TRAK1: variants seen among roughly 807,000 people sequenced by gnomAD.
The protein encoded by TRAK1 is trafficking kinesin-binding protein 1.
TRAK1 carries 33 observed loss-of-function variants against 92.1 expected under a neutral mutation model. The ratio of observed to expected loss-of-function variants is 0.36; its 90% CI spans 0.27 to 0.48. The LOEUF (loss-of-function observed/expected upper bound fraction) is 0.48. TRAK1 is among the 20% of genes least tolerant of loss of function. The pLI, the probability that TRAK1 is intolerant of heterozygous loss-of-function variation, is 0.99. For missense variants in TRAK1, 1,123 were observed against 1,257.9 expected (o/e 0.89, Z 1.62); for synonymous variants, 521 against 517.3 (o/e 1.01, Z -0.10).
At chr3:42,188,494 G>A (rs1223345842) in intron 5 of TRAK1, among the ~76,000 whole-genome samples, 2 of 152,354 alleles carry the variant, frequency 1.3e-5, no homozygotes, top group South Asian at 2.1e-4. Flanking sequence ...GGGACAGAAG[G>A]CGTGGTGTCT....
intron 1 of TRAK1, among the ~76,000 whole-genome samples, chr3:42,034,103 T>A (rs972705580): frequency 6.6e-6 from 1 of 152,150 alleles, no homozygotes; most frequent in African/African-American, 2.4e-5. Flanking sequence ...CTGCAGACAT[T>A]CCTTGCCCCA....
In TRAK1 at chr3:42,199,179, T is replaced by C. The variant is rs774473419; in HGVS notation, c.1116T>C (p.Asp372=). ...RYHSLGLFPM[D]SLAAEIEGTM... is the part of the protein sequence containing the mutation. ...TTTGTCTTTCTGGCTTTTCCCAGGA[T>C]TCCTTGGCAGCAGAGATTGAGGGAA... Residue 372 remains aspartate (D), a splice_region_variant and synonymous_variant, in exon 11 of 16, where the codon GAT becomes GAC. Coordinates refer to ENST00000327628, the MANE Select transcript of TRAK1 (RefSeq NM_001042646.3). 1.2e-6 allele frequency: 2 copies of C among 1,613,484 alleles called. No individual in the cohort carries two copies. Among genetic ancestry groups the C allele is most frequent in the South Asian group, 1.1e-5 (1 of 91,032 alleles).
intron 2 of TRAK1, among the ~76,000 whole-genome samples, chr3:42,135,653 G>A (rs1401430970): frequency 6.6e-6 from 1 of 152,218 alleles, no homozygotes; most frequent in African/African-American, 2.4e-5. Context: ...GTGTTTGTGT[G>A]GAATTGGACT....
Position 42,202,456 on chromosome 3 carries a change from A to AGCCGGGGAC in TRAK1, c.1455_1463dup (p.Thr489_Gly491dup). ...TCCAGAAACGATGAGCGGAGTAAGAAGCCGGGGACGCCGGGCACCCCAGGC... is the reference window on the plus strand; with the variant it reads ...TCCAGAAACGATGAGCGGAGTAAGAAGCCGGGGACGCCGGGGACGCCGGGCACCCCAGGC... On this transcript the variant is annotated inframe_insertion, in exon 13 of 16. Coordinates refer to ENST00000327628, the MANE Select transcript of TRAK1 (RefSeq NM_001042646.3). The surrounding 1 kb of genome is among the most constrained non-coding windows in gnomAD (Gnocchi z 6.1). The AGCCGGGGAC allele has an allele frequency of 6.7e-7, 1 of 1,485,364 alleles. No homozygotes were observed. Among genetic ancestry groups the AGCCGGGGAC allele is most frequent in the Non-Finnish European group, 9.0e-7 (1 of 1,114,498 alleles). 92.0% of individuals were successfully genotyped at this position (1,485,364 alleles called of 1,614,324 possible). A position where few individuals can be genotyped will look rare whatever the true frequency, so the allele number is the denominator to read the frequency against.
rs374632575 is a variant in TRAK1, at chr3:42,223,444, A to G, written c.2569A>G (p.Asn857Asp). 1.9e-6 allele frequency: 3 copies of G among 1,614,028 alleles called. No individual in the cohort carries two copies. The change falls in exon 16 of 16, where the codon AAC becomes GAC. Residue 857 changes from asparagine (N) to aspartate (D), a missense_variant. Around this residue, in one of 3 missense-constraint regions of TRAK1, gnomAD observed 401 missense variants for 438.9 expected, o/e 0.91. Transcript: ENST00000327628. The surrounding 1 kb of genome is among the most constrained non-coding windows in gnomAD (Gnocchi z 6.1). ...GAGGTTTGGGGTGGCCAAAGTGGTG[A>G]ACTCAGGGCGAGCCCATGTCCCCAC... ...VRRFGVAKVV[N>D]SGRAHVPTLT...
chr3:42,165,299 G>A (rs1429786772), intron 2 of TRAK1, among the ~76,000 whole-genome samples: 3 of 152,156 alleles, frequency 2.0e-5, no homozygotes, highest in Non-Finnish European at 4.4e-5. Flanking sequence ...CAGTTTTGAG[G>A]TGTTGAACAC....
intron 1 of TRAK1, among the ~76,000 whole-genome samples, chr3:42,102,174 C>G (rs537194524): frequency 7.2e-5 from 11 of 152,162 alleles, no homozygotes; most frequent in African/African-American, 2.6e-4. Context: ...TTAGTAGAGA[C>G]GGGGTTTTGC....
chr3:42,150,152 A>G (rs1699799908), intron 2 of TRAK1, among the ~76,000 whole-genome samples: 1 of 151,418 alleles, frequency 6.6e-6, no homozygotes, highest in South Asian at 2.1e-4. Flanking sequence ...TGCTTGTTGG[A>G]TCCAACAGAG....
At chr3:42,205,690 C>T (rs1708250356) in intron 13 of TRAK1, among the ~76,000 whole-genome samples, 1 of 152,194 alleles carries the variant, frequency 6.6e-6, no homozygotes, top group South Asian at 2.1e-4. Flanking sequence ...CACTTCAAAG[C>T]TGTACATTAT....
intron 2 of TRAK1, among the ~76,000 whole-genome samples, chr3:42,148,322 A>G (rs1699571723): frequency 6.6e-6 from 1 of 152,212 alleles, no homozygotes; most frequent in East Asian, 1.9e-4. Context: ...GAATTACCTA[A>G]CCTCAAATGT....
At chr3:42,128,563 A>AG (rs139582375) in intron 2 of TRAK1, among the ~76,000 whole-genome samples, 1,926 of 152,332 alleles carry the variant, frequency 0.013, 40 homozygotes, top group African/African-American at 0.044. Context: ...GAGAGAATTT[A>AG]GGGGTTCCAT....
At chr3:42,158,344 C>G (rs1530737) in intron 2 of TRAK1, among the ~76,000 whole-genome samples, 1 of 152,014 alleles carries the variant, frequency 6.6e-6, no homozygotes, top group Non-Finnish European at 1.5e-5. Flanking sequence ...GAATGAATCA[C>G]GCACAAGGTG....
Position 42,209,378 on chromosome 3 carries a change from G to A in TRAK1, c.1745-389G>A, listed in dbSNP as rs111388988. ...GCATAGAATACGTACATGTGGCCCC[G>A]CTTTTGTGCTTATCTTGCCATTTTC... is the stretch of plus-strand genomic sequence containing the variant. On this transcript the variant is annotated intron_variant, in intron 13 of 15. Transcript: ENST00000327628. 3.5e-3 allele frequency among the ~76,000 whole-genome samples: 529 copies of A among 152,170 alleles called. 6 individuals carry two copies. The highest frequency in any genetic ancestry group is 0.012 in the African/African-American group (489 of 41,528).
intron 1 of TRAK1, among the ~76,000 whole-genome samples, chr3:42,079,798 T>G (rs1455438891): frequency 2.0e-5 from 3 of 151,956 alleles, no homozygotes; most frequent in Non-Finnish European, 4.4e-5. Flanking sequence ...CCTTTTTTTT[T>G]GTTGTTTTTT....
intron 2 of TRAK1, among the ~76,000 whole-genome samples, chr3:42,132,746 G>A (rs1410985368): frequency 2.0e-5 from 3 of 152,084 alleles, no homozygotes; most frequent in Admixed American, 6.5e-5. Flanking sequence ...GCCTGCTTCT[G>A]TCTATATCCT....
At chr3:42,042,323 C>CTTTA (rs10634398) in intron 1 of TRAK1, among the ~76,000 whole-genome samples, 28,641 of 151,942 alleles carry the variant, frequency 0.19, 4,495 homozygotes, top group African/African-American at 0.43. Flanking sequence ...ATGTTGTGTC[C>CTTTA]TTTTATTAAT....
intron 1 of TRAK1, among the ~76,000 whole-genome samples, chr3:42,113,321 C>T (rs1379891533): frequency 6.6e-6 from 1 of 150,560 alleles, no homozygotes; most frequent in African/African-American, 2.5e-5. Flanking sequence ...TTATTCTACT[C>T]TACTCTCTAC....
At chr3:42,038,948 A>G (rs1702432565) in intron 1 of TRAK1, among the ~76,000 whole-genome samples, 1 of 151,688 alleles carries the variant, frequency 6.6e-6, no homozygotes, top group South Asian at 2.1e-4. Flanking sequence ...AGATTAATTC[A>G]TATACCTTAC....
intron 1 of TRAK1, among the ~76,000 whole-genome samples, chr3:42,093,739 A>G (rs1275084813): frequency 1.4e-4 from 16 of 114,192 alleles, no homozygotes; most frequent in East Asian, 8.3e-4. Flanking sequence ...TCTCACTTCT[A>G]TCACCCAGGC....
Sources: gnomAD v4.1 joint callset for allele counts (sites outside exome capture counted in the v4.1 genomes callset) on GRCh38, gnomAD v4.1.1 for gene constraint, gnomAD v4.1.1 regional missense constraint, Gnocchi (gnomAD v3.1) non-coding constraint, MANE v1.5 for transcripts, NCBI Gene and HGNC (gene_info 2026-07-23, HGNC 2026-07-21) for gene names.